The following HSD17B3 variants were observed in gnomAD, a reference collection of about 807,000 sequenced individuals.
HSD17B3 encodes 17-beta-hydroxysteroid dehydrogenase type 3.
A neutral mutation model predicts 41.1 loss-of-function variants in HSD17B3; 29 were observed. The ratio of observed to expected loss-of-function variants is 0.71; its 90% CI spans 0.53 to 0.96. The LOEUF (loss-of-function observed/expected upper bound fraction) is 0.96, where lower values mean the gene tolerates loss of function less well. Ranked by LOEUF, HSD17B3 falls within the 40% of genes least tolerant of loss-of-function variation. The pLI is 0.00. For synonymous variants in HSD17B3, 126 were observed against 145.6 expected, an observed-to-expected ratio of 0.87 and a Z score of 0.97; for missense variants, 323 against 374.6, an observed-to-expected ratio of 0.86 and a Z score of 1.14.
At chr9:96,285,130 C>A (rs918238447) in intron 2 of HSD17B3, among the ~76,000 whole-genome samples, 8 of 152,108 alleles carry the variant, frequency 5.3e-5, no homozygotes, top group Admixed American at 2.6e-4. Context: ...TGAGCCACTG[C>A]ACCCAGCTGA....
In HSD17B3 at chr9:96,251,429, C is replaced by A; in HGVS notation, c.442G>T (p.Asp148Tyr). ...GAGCACAAGTCTACCTGGATTTCAT[C>A]CGGTGCGTTCAGGAAATGGCTTGGG... ...LLPSHFLNAP[D>Y]EIQSLIHCNI... Residue 148 changes from aspartate to tyrosine, a missense_variant, in exon 5 of 11, where the codon GAT becomes TAT. By Grantham distance (160) the Asp-to-Tyr change is radical. Coordinates refer to ENST00000375263, the MANE Select transcript of HSD17B3 (RefSeq NM_000197.2). The A allele has an allele frequency of 6.2e-7, 1 of 1,614,006 alleles. No individual in the cohort carries two copies. The highest frequency in any genetic ancestry group is 8.5e-7 in the Non-Finnish European group (1 of 1,179,886).
At chr9:96,247,775 C>T (rs1301698129) in intron 6 of HSD17B3, among the ~76,000 whole-genome samples, 3 of 152,190 alleles carry the variant, frequency 2.0e-5, no homozygotes, top group African/African-American at 2.4e-5. Context: ...CACTGAATCT[C>T]GTGGGTCCCC....
rs555593839 is a variant in HSD17B3, at chr9:96,246,802, G to T, written c.490-212C>A. Reference sequence around the variant, plus strand: ...AGGAGCCAACCTAGACAAATGACAGGCTGCTCTGGGGCCTCTGATTTCTTC... The same window carrying T: ...AGGAGCCAACCTAGACAAATGACAGTCTGCTCTGGGGCCTCTGATTTCTTC... On this transcript the variant is annotated intron_variant, in intron 6 of 10. Coordinates refer to ENST00000375263, the MANE Select transcript of HSD17B3 (RefSeq NM_000197.2). Among the ~76,000 whole-genome samples, 13 of 152,294 alleles carry T rather than the reference G, an allele frequency of 8.5e-5. No individual in the cohort carries two copies. The South Asian group carries it at 2.7e-3, about 32-fold the overall frequency.
intron 1 of HSD17B3, 90 bp downstream of exon 1, chr9:96,301,861 A>G (rs1342182913): frequency 1.4e-6 from 2 of 1,419,132 alleles, no homozygotes; most frequent in Non-Finnish European, 9.9e-7. Context: ...AGCCTGGGTG[A>G]CAGAGCAAGT....
chr9:96,283,108 C>T lies in HSD17B3; in HGVS notation c.201+15308G>A, dbSNP rs952875127. ...GCAACCTCTGCCTCCTGGGTTCAAG[C>T]GATCCTCCTGCCCCAGCCTCCTGAG... On this transcript the variant is annotated intron_variant, in intron 2 of 10. Transcript: ENST00000375263. Among the ~76,000 whole-genome samples the T allele has an allele frequency of 2.7e-5, 4 of 147,432 alleles. No individual in the cohort carries two copies. The East Asian group carries it at 5.9e-4, about 22-fold the overall frequency.
chr9:96,291,408 C>T (rs1827151822), intron 2 of HSD17B3, among the ~76,000 whole-genome samples: 1 of 150,290 alleles, frequency 6.7e-6, no homozygotes, highest in Admixed American at 6.7e-5. Flanking sequence ...TGAGCCCCCA[C>T]TCCACCTGGT....
chr9:96,235,438 T>G lies in HSD17B3; in HGVS notation c.*22A>C. 6.5e-7 allele frequency: 1 copy of G among 1,543,078 alleles called. No individual in the cohort carries two copies. Among genetic ancestry groups the G allele is most frequent in the Non-Finnish European group, 8.9e-7 (1 of 1,118,596 alleles). On this transcript the variant is annotated 3_prime_UTR_variant, in exon 11 of 11. Transcript: ENST00000375263. Reference sequence around the variant, plus strand: ...CATGGGACTGGTGAGGAAAAGGTTGTGCTGGACTCCTCACCGCCTGGCTAC... The same window carrying G: ...CATGGGACTGGTGAGGAAAAGGTTGGGCTGGACTCCTCACCGCCTGGCTAC...
intron 1 of HSD17B3, among the ~76,000 whole-genome samples, chr9:96,299,441 C>A (rs544123520): frequency 6.9e-4 from 105 of 152,308 alleles, no homozygotes; most frequent in African/African-American, 2.4e-3. Flanking sequence ...TGGGCCTTAC[C>A]TTCCCCTCCC....
chr9:96,268,689 C>T (rs1422288385), intron 2 of HSD17B3, among the ~76,000 whole-genome samples: 2 of 152,294 alleles, frequency 1.3e-5, no homozygotes, highest in Middle Eastern at 3.4e-3. Context: ...TGGCTCACGC[C>T]TGTAATACCA....
chr9:96,250,485 C>G lies in HSD17B3; in HGVS notation c.454-699G>C, dbSNP rs368844751. The G allele has an allele frequency of 1.3e-5, 14 of 1,056,050 alleles. No individual in the cohort carries two copies. In the South Asian group the frequency reaches 6.4e-4, roughly 48 times the overall value. The allele number at this position is 1,056,050 out of a possible 1,614,324, so 65.4% of individuals were successfully genotyped here. ...GGGGCTTACACAGGACGATGGGATA[C>G]CTGCAGAAGTGGGGAATGGAAGCAT... is the stretch of plus-strand genomic sequence containing the variant. On this transcript the variant is annotated intron_variant, in intron 5 of 10. Transcript: ENST00000375263.
intron 2 of HSD17B3, among the ~76,000 whole-genome samples, chr9:96,290,252 T>C (rs919520450): frequency 6.6e-6 from 1 of 151,896 alleles, no homozygotes; most frequent in Non-Finnish European, 1.5e-5. Flanking sequence ...CCACTCTAAA[T>C]GTAAACGCAG....
intron 2 of HSD17B3, among the ~76,000 whole-genome samples, chr9:96,283,401 C>T (rs545937316): frequency 6.6e-6 from 1 of 152,138 alleles, no homozygotes; most frequent in South Asian, 2.1e-4. Flanking sequence ...TATGGTCAAA[C>T]TGATGAAGAT....
At chr9:96,253,003 A>ACT in intron 3 of HSD17B3, 93 bp from the exon 4 acceptor site, 4 of 812,444 alleles carry the variant, frequency 4.9e-6, no homozygotes, top group Non-Finnish European at 8.8e-6. Flanking sequence ...TTACCTGAGC[A>ACT]GACATTGAAG....
chr9:96,289,711 GC>G (rs1167446467), intron 2 of HSD17B3, among the ~76,000 whole-genome samples: 2 of 152,114 alleles, frequency 1.3e-5, no homozygotes, highest in African/African-American at 4.8e-5. Context: ...AGAGGGGGGC[GC>G]CCGAGAACAC....
chr9:96,242,994 G>C (rs1429044255), intron 9 of HSD17B3, among the ~76,000 whole-genome samples: 1 of 152,182 alleles, frequency 6.6e-6, no homozygotes, highest in African/African-American at 2.4e-5. Flanking sequence ...CTCTGGGCCA[G>C]AGCATTTCAT....
intron 2 of HSD17B3, among the ~76,000 whole-genome samples, chr9:96,282,054 T>G (rs1006504378): frequency 6.6e-6 from 1 of 152,172 alleles, no homozygotes; most frequent in Non-Finnish European, 1.5e-5. Flanking sequence ...AGGGGTAACT[T>G]AGGATAGAAC....
At chr9:96,298,101 T>C (rs746605117) in intron 2 of HSD17B3, among the ~76,000 whole-genome samples, 1 of 152,114 alleles carries the variant, frequency 6.6e-6, no homozygotes, top group Non-Finnish European at 1.5e-5. Context: ...AAAAGGAAAG[T>C]AGTTTATAAT....
intron 2 of HSD17B3, among the ~76,000 whole-genome samples, chr9:96,271,584 C>T (rs781263485): frequency 2.0e-5 from 3 of 152,124 alleles, no homozygotes; most frequent in Admixed American, 6.5e-5. Flanking sequence ...CTTTCCTTCT[C>T]ACAAGTCAAA....
At chr9:96,251,208 G>C (rs1488050968) in intron 5 of HSD17B3, 1 of 598,154 alleles carries the variant, frequency 1.7e-6, no homozygotes, top group African/African-American at 1.9e-5. Flanking sequence ...GGAGGAAGAT[G>C]TCCATATCCT....
Sources: gnomAD v4.1 joint callset for allele counts (sites outside exome capture counted in the v4.1 genomes callset) on GRCh38, gnomAD v4.1.1 for gene constraint, MANE v1.5 for transcripts, NCBI Gene and HGNC (gene_info 2026-07-23, HGNC 2026-07-21) for gene names.